The following DPYSL2 variants were observed in gnomAD, a reference collection of about 807,000 sequenced individuals.
The protein encoded by DPYSL2 is dihydropyrimidinase like 2, also known as dihydropyrimidinase-related protein 2.
A neutral mutation model predicts 69.9 loss-of-function variants in DPYSL2; 13 were observed. The ratio of observed to expected loss-of-function variants is 0.19; its 90% CI spans 0.12 to 0.30. The LOEUF (loss-of-function observed/expected upper bound fraction) is 0.30. Among genes scored for constraint, DPYSL2 ranks in the 10% least tolerant of loss-of-function variants. The pLI is 1.00. For missense variants in DPYSL2, 587 were observed against 918.9 expected (o/e 0.64, Z 4.67); for synonymous variants, 326 against 359.1 (o/e 0.91, Z 1.04).
At chr8:26,604,562 A>G (rs1802066151) in intron 3 of DPYSL2, among the ~76,000 whole-genome samples, 1 of 152,218 alleles carries the variant, frequency 6.6e-6, no homozygotes, top group Non-Finnish European at 1.5e-5. Flanking sequence ...ACTGGTCTCC[A>G]TGGCCACTAT....
At chr8:26,625,003 T>C (rs956994855) in intron 4 of DPYSL2, among the ~76,000 whole-genome samples, 1 of 152,172 alleles carries the variant, frequency 6.6e-6, no homozygotes, top group African/African-American at 2.4e-5. Context: ...TGGATCTTAG[T>C]GTTCAGGGAA....
Position 26,641,905 on chromosome 8 carries a change from G to A in DPYSL2, c.1127-1534G>A, listed in dbSNP as rs748024042. Among the ~76,000 whole-genome samples the A allele has an allele frequency of 9.9e-5, 15 of 152,184 alleles. No homozygotes were observed. Among genetic ancestry groups the A allele is most frequent in the Non-Finnish European group, 1.8e-4 (12 of 68,032 alleles). ...TGCAGAGCCAGCTCTCAGAGTGGCC[G>A]ACAGGGAGGGTGTTGTGGTGTATCA... On this transcript the variant is annotated intron_variant, in intron 8 of 13. Coordinates refer to ENST00000521913, the MANE Select transcript of DPYSL2 (RefSeq NM_001197293.3). The surrounding 1 kb of genome is among the most constrained non-coding windows in gnomAD (Gnocchi z 4.1).
At position 26,578,955 on chromosome 8, in the gene DPYSL2, G is replaced by GCC. The variant is rs11285674; in HGVS notation, c.355-3005_355-3004dup. 4.3e-3 allele frequency among the ~76,000 whole-genome samples: 646 copies of GCC among 151,228 alleles called. 9 individuals carry two copies. Among genetic ancestry groups the GCC allele is most frequent in the African/African-American group, 0.015 (625 of 41,126 alleles). On this transcript the variant is annotated intron_variant, in intron 1 of 13. Transcript: ENST00000521913. Reference sequence around the variant, plus strand: ...TGTTGGCCAGGAACCGGTTTTGGGTGCCCCCCCCCCGGTTTTCTCGCCCTG... The same window carrying GCC: ...TGTTGGCCAGGAACCGGTTTTGGGTGCCCCCCCCCCCCGGTTTTCTCGCCCTG...
Position 26,582,185 on chromosome 8 carries a change from T to C in DPYSL2, c.443+128T>C, listed in dbSNP as rs926547762. 44 of 695,874 alleles carry C rather than the reference T, an allele frequency of 6.3e-5. No individual in the cohort carries two copies. The highest frequency in any genetic ancestry group is 9.7e-5 in the Non-Finnish European group (41 of 423,376). 43.1% of individuals were successfully genotyped at this position (695,874 alleles called of 1,614,324 possible). ...AGAGTGACCAACTTAGTATCTGTTT[T>C]AAACTGGTTTTGATTGGTGGTAATT... is the stretch of plus-strand genomic sequence containing the variant. On this transcript the variant is annotated intron_variant, in intron 2 of 13. Coordinates refer to ENST00000521913, the MANE Select transcript of DPYSL2 (RefSeq NM_001197293.3). This position sits in a 1 kb window ranked among gnomAD's most constrained non-coding sequence, Gnocchi z 4.1.
intron 1 of DPYSL2, among the ~76,000 whole-genome samples, chr8:26,525,187 C>T (rs889236328): frequency 2.0e-5 from 3 of 152,076 alleles, no homozygotes; most frequent in African/African-American, 7.2e-5. Flanking sequence ...TGTGCTTTCT[C>T]CTAAAATCTT....
At chr8:26,628,449 GC>G (rs1802668359) in intron 7 of DPYSL2, among the ~76,000 whole-genome samples, 1 of 152,236 alleles carries the variant, frequency 6.6e-6, no homozygotes, top group Non-Finnish European at 1.5e-5. Context: ...CAGAGCAGGG[GC>G]CTGTGCTGGC....
chr8:26,630,491 G>A (rs1802744183), intron 7 of DPYSL2, among the ~76,000 whole-genome samples: 1 of 152,222 alleles, frequency 6.6e-6, no homozygotes. Flanking sequence ...TCTCACGTGA[G>A]CCCTGTTCAA....
At chr8:26,578,959 C>T (rs1286571500) in intron 1 of DPYSL2, among the ~76,000 whole-genome samples, 1 of 152,202 alleles carries the variant, frequency 6.6e-6, no homozygotes, top group Admixed American at 6.5e-5. Context: ...TTGGGTGCCC[C>T]CCCCCCGGTT....
At chr8:26,628,273 A>G (rs1218446033) in intron 7 of DPYSL2, among the ~76,000 whole-genome samples, 3 of 152,256 alleles carry the variant, frequency 2.0e-5, no homozygotes, top group African/African-American at 7.2e-5. Context: ...ATGGTCTCCA[A>G]TATCTTACCA....
intron 1 of DPYSL2, among the ~76,000 whole-genome samples, chr8:26,522,498 C>T (rs1808404422): frequency 6.6e-6 from 1 of 152,226 alleles, no homozygotes; most frequent in Admixed American, 6.5e-5. Context: ...TTCTGCACAT[C>T]CTAGCCAACA....
At chr8:26,538,320 T>A (rs1193884318) in intron 1 of DPYSL2, among the ~76,000 whole-genome samples, 1 of 151,942 alleles carries the variant, frequency 6.6e-6, no homozygotes, top group Non-Finnish European at 1.5e-5. Context: ...AGCTCTGGAG[T>A]ACAATAAAGG....
chr8:26,613,192 C>T (rs1398043313), intron 3 of DPYSL2, among the ~76,000 whole-genome samples: 4 of 152,260 alleles, frequency 2.6e-5, no homozygotes, highest in South Asian at 4.2e-4. Context: ...GATGAAAAGC[C>T]CAAGATACAT....
rs374599797 is a variant in DPYSL2 at position 26,597,775 on chromosome 8, CTTTTT to C, written c.628+13808_628+13812del. On this transcript the variant is annotated intron_variant, in intron 3 of 13. Coordinates refer to ENST00000521913, the MANE Select transcript of DPYSL2 (RefSeq NM_001197293.3). This position sits in a 1 kb window ranked among gnomAD's most constrained non-coding sequence, Gnocchi z 5.2. ...AGGCAAGAGCCACCGCACCTGGCCT[CTTTTT>C]TTTTTTTTTTTTTTTGAGGGGCAGA... Among the ~76,000 whole-genome samples the C allele has an allele frequency of 3.1e-5, 4 of 127,152 alleles. No homozygotes were observed. Among genetic ancestry groups the C allele is most frequent in the Admixed American group, 8.0e-5 (1 of 12,510 alleles). 83.4% of individuals were successfully genotyped at this position (127,152 alleles called of 152,430 possible).
At chr8:26,615,277 T>A (rs1053173581) in intron 3 of DPYSL2, among the ~76,000 whole-genome samples, 7 of 152,200 alleles carry the variant, frequency 4.6e-5, no homozygotes, top group African/African-American at 1.7e-4. Context: ...AAGTGCTGAA[T>A]AAATCAGAAT....
chr8:26,559,545 T>C (rs1030214654), intron 1 of DPYSL2, among the ~76,000 whole-genome samples: 4 of 152,218 alleles, frequency 2.6e-5, no homozygotes, highest in Non-Finnish European at 4.4e-5. Flanking sequence ...TTAGTAAAGT[T>C]AAACATATTT....
At chr8:26,581,415 C>A (rs1044916466) in intron 1 of DPYSL2, among the ~76,000 whole-genome samples, 1 of 151,426 alleles carries the variant, frequency 6.6e-6, no homozygotes, top group South Asian at 2.1e-4. Context: ...GCTGTGTAAC[C>A]CAGGCTGGGG....
chr8:26,525,091 A>G (rs917070113), intron 1 of DPYSL2, among the ~76,000 whole-genome samples: 7 of 152,136 alleles, frequency 4.6e-5, no homozygotes, highest in African/African-American at 1.7e-4. Flanking sequence ...CAAATTTAAA[A>G]TTTACAAATT....
At chr8:26,554,445 A>AT (rs1411008348) in intron 1 of DPYSL2, among the ~76,000 whole-genome samples, 2 of 150,604 alleles carry the variant, frequency 1.3e-5, no homozygotes, top group Non-Finnish European at 3.0e-5. Flanking sequence ...GTTTGCAAAT[A>AT]TTTTTTCCCA....
Position 26,584,070 on chromosome 8 carries a change from A to T in DPYSL2, c.628+87A>T, listed in dbSNP as rs1164883661. The T allele has an allele frequency of 2.8e-6, 4 of 1,404,268 alleles. No individual in the cohort carries two copies. In the African/African-American group the frequency reaches 5.7e-5, roughly 20 times the overall value. The allele number at this position is 1,404,268 out of a possible 1,614,324, so 87.0% of individuals were successfully genotyped here. Reference sequence around the variant, plus strand: ...TATTGTTTGATTCTCTCCTTCTAAAACTTGCTGTCCTGAGCCACAGTTCAA... The same window carrying T: ...TATTGTTTGATTCTCTCCTTCTAAATCTTGCTGTCCTGAGCCACAGTTCAA... On this transcript the variant is annotated intron_variant, in intron 3 of 13. Transcript: ENST00000521913.
Sources: allele counts gnomAD v4.1 joint callset (sites outside exome capture counted in the v4.1 genomes callset), GRCh38; gene constraint gnomAD v4.1.1; non-coding constraint Gnocchi (gnomAD v3.1); transcripts MANE v1.5; gene names NCBI Gene and HGNC (gene_info 2026-07-23, HGNC 2026-07-21).